Variants in TMEM218 observed in about 807,000 individuals in gnomAD.
The protein encoded by TMEM218 is transmembrane protein 218.
Under a neutral mutation model 10.0 loss-of-function variants are expected in TMEM218, and 8 were observed. The ratio of observed to expected loss-of-function variants is 0.80; its 90% CI spans 0.47 to 1.44. The LOEUF is 1.44. Among genes scored for constraint, TMEM218 ranks in the 40% most tolerant of loss-of-function variants. TMEM218 has a pLI of 0.00. For missense variants in TMEM218, 110 were observed against 140.1 expected, an observed-to-expected ratio of 0.79 and a Z score of 1.08; for synonymous variants, 66 against 63.5, an observed-to-expected ratio of 1.04 and a Z score of -0.18.
chr11:125,109,870 T>C (rs562430589), intron 1 of TMEM218, among the ~76,000 whole-genome samples: 1 of 152,258 alleles, frequency 6.6e-6, no homozygotes, highest in African/African-American at 2.4e-5. Flanking sequence ...CAAATGGTAG[T>C]TGAAGCTGGC....
chr11:125,101,641 A>C, intron 3 of TMEM218: 1 of 657,242 alleles, frequency 1.5e-6, no homozygotes, highest in East Asian at 2.8e-5. Flanking sequence ...TACTTTAGAA[A>C]ATTCTACAAC....
Position 125,096,500 on chromosome 11 carries a change from A to G in TMEM218, c.*1106T>C, listed in dbSNP as rs1000608702. The G allele has an allele frequency of 1.3e-5, 2 of 151,824 alleles. No homozygotes were observed. Among genetic ancestry groups the G allele is most frequent in the Non-Finnish European group, 1.5e-5 (1 of 67,882 alleles). 9.4% of individuals were successfully genotyped at this position (151,824 alleles called of 1,614,324 possible). ...ATCTCTTTAAGCTTCCATTTTTTCTACTTTAAAGTGGGGATGATAAAAATG... is the reference window on the plus strand; with the variant it reads ...ATCTCTTTAAGCTTCCATTTTTTCTGCTTTAAAGTGGGGATGATAAAAATG... On this transcript the variant is annotated 3_prime_UTR_variant, in exon 5 of 5. Transcript: ENST00000682305.
At chr11:125,103,734 A>T (rs796134645) in intron 1 of TMEM218, 66 of 152,370 alleles carry the variant, frequency 4.3e-4, no homozygotes, top group African/African-American at 1.4e-3. Flanking sequence ...AACTCACAGC[A>T]GAGGAACAGC....
intron 4 of TMEM218, among the ~76,000 whole-genome samples, chr11:125,099,921 CAAA>C (rs34211632): frequency 1.0e-4 from 10 of 100,390 alleles, no homozygotes; most frequent in Non-Finnish European, 1.3e-4. Flanking sequence ...GAGACTGTCT[CAAA>C]AAAAAAAAAA....
intron 1 of TMEM218, among the ~76,000 whole-genome samples, chr11:125,109,490 G>T (rs188050601): frequency 1.9e-3 from 286 of 152,238 alleles, no homozygotes; most frequent in African/African-American, 6.5e-3. Context: ...GTGCCAAAAT[G>T]TTAATATTTA....
intron 2 of TMEM218, 57 bp downstream of exon 2, chr11:125,102,677 G>A: frequency 1.5e-6 from 2 of 1,292,158 alleles, no homozygotes; most frequent in Non-Finnish European, 2.0e-6. Flanking sequence ...GGAACTCCAG[G>A]GCCAAAGCAG....
At position 125,095,072 on chromosome 11, in the gene TMEM218, C is replaced by T. The variant is rs1043950731; in HGVS notation, c.*2534G>A. On this transcript the variant is annotated 3_prime_UTR_variant, in exon 5 of 5. Coordinates refer to ENST00000682305, the MANE Select transcript of TMEM218 (RefSeq NM_001258244.2). ...TTTTATCAGTGAAAAATTTAAGGAA[C>T]TTAACAAATTACCCATTGTGATCTC... Among the ~76,000 whole-genome samples, 17 of 152,194 alleles carry T rather than the reference C, an allele frequency of 1.1e-4. No individual in the cohort carries two copies. The highest frequency in any genetic ancestry group is 1.9e-4 in the East Asian group (1 of 5,204).
Position 125,094,864 on chromosome 11 carries a change from G to T in TMEM218, c.*2742C>A, listed in dbSNP as rs528578866. 2.6e-5 allele frequency among the ~76,000 whole-genome samples: 4 copies of T among 152,278 alleles called. No individual in the cohort carries two copies. The South Asian group carries it at 8.3e-4, about 32-fold the overall frequency. On this transcript the variant is annotated 3_prime_UTR_variant, in exon 5 of 5. Transcript: ENST00000682305. ...ACACCTTACAGCCTAGTTCTTCCAT[G>T]GGCTTACTCCACCAGGACTAGTGCT...
chr11:125,107,494 T>C (rs1232611546), intron 1 of TMEM218, among the ~76,000 whole-genome samples: 1 of 152,158 alleles, frequency 6.6e-6, no homozygotes, highest in African/African-American at 2.4e-5. Flanking sequence ...GATAATATTA[T>C]GAAATTACTG....
intron 1 of TMEM218, among the ~76,000 whole-genome samples, chr11:125,109,615 T>C (rs917375839): frequency 2.0e-5 from 3 of 152,248 alleles, no homozygotes; most frequent in African/African-American, 7.2e-5. Context: ...AGGATGCATA[T>C]GAATTGGGTG....
intron 1 of TMEM218, chr11:125,103,932 T>C (rs574976455): frequency 6.6e-6 from 1 of 152,316 alleles, no homozygotes; most frequent in South Asian, 2.1e-4. Flanking sequence ...AATACGTTTA[T>C]TGAATCAACA....
chr11:125,099,917 G>T (rs923279813), intron 4 of TMEM218, among the ~76,000 whole-genome samples: 11 of 84,692 alleles, frequency 1.3e-4, no homozygotes, highest in African/African-American at 5.1e-4. Flanking sequence ...GAGCGAGACT[G>T]TCTCAAAAAA....
At chr11:125,101,606 C>T in intron 3 of TMEM218, 1 of 852,692 alleles carries the variant, frequency 1.2e-6, no homozygotes, top group Non-Finnish European at 1.8e-6. Context: ...TCTCCACCTC[C>T]ACTTCTGTTG....
intron 1 of TMEM218, among the ~76,000 whole-genome samples, chr11:125,105,643 T>C (rs777845095): frequency 6.6e-6 from 1 of 152,280 alleles, no homozygotes; most frequent in African/African-American, 2.4e-5. Context: ...AGTTAAAGCA[T>C]TCTACAGTGA....
intron 4 of TMEM218, among the ~76,000 whole-genome samples, chr11:125,100,386 G>A (rs549862109): frequency 6.6e-6 from 1 of 152,270 alleles, no homozygotes; most frequent in East Asian, 1.9e-4. Context: ...TACTACTTAG[G>A]GCTGTCCTGA....
In TMEM218 at chr11:125,102,206, C is replaced by T. The variant is rs1260423462; in HGVS notation, c.36G>A (p.Val12=). ...AGTVLGVGAG[V]FILALLWVAV... ...CCACCCAGAGCAGGGCTAAGATGAACACGCCCGCACCGACTCCGAGCACAG... is the reference window on the plus strand; with the variant it reads ...CCACCCAGAGCAGGGCTAAGATGAATACGCCCGCACCGACTCCGAGCACAG... The change falls in exon 3 of 5, where the codon GTG becomes GTA. Residue 12 remains valine, a synonymous_variant. Transcript: ENST00000682305. 1.2e-6 allele frequency: 2 copies of T among 1,612,638 alleles called. No individual in the cohort carries two copies. Among genetic ancestry groups the T allele is most frequent in the Middle Eastern group, 1.7e-4 (1 of 5,786 alleles).
rs1317029697 is a variant in TMEM218 at position 125,095,196 on chromosome 11, A to G, written c.*2410T>C. Among the ~76,000 whole-genome samples, 1 of 152,174 alleles carries G rather than the reference A, an allele frequency of 6.6e-6. No individual in the cohort carries two copies. Among genetic ancestry groups the G allele is most frequent in the Non-Finnish European group, 1.5e-5 (1 of 68,026 alleles). On this transcript the variant is annotated 3_prime_UTR_variant, in exon 5 of 5. Transcript: ENST00000682305. ...CCTATTTTCTTATATAGAAACCCAGATTTACTCTCCCTCTCCACCTTCTAA... is the reference window on the plus strand; with the variant it reads ...CCTATTTTCTTATATAGAAACCCAGGTTTACTCTCCCTCTCCACCTTCTAA...
chr11:125,102,801 C>T lies in TMEM218; in HGVS notation c.-144G>A. On this transcript the variant is annotated 5_prime_UTR_variant, in exon 2 of 5. Transcript: ENST00000682305. Reference sequence around the variant, plus strand: ...GAGTTCTTATTCAAGAGGATGAAAACTCCCAGTCCTTAAAGAAGAGGAACA... The same window carrying T: ...GAGTTCTTATTCAAGAGGATGAAAATTCCCAGTCCTTAAAGAAGAGGAACA... The T allele has an allele frequency of 2.1e-6, 2 of 936,268 alleles. No individual in the cohort carries two copies. The highest frequency in any genetic ancestry group is 2.9e-6 in the Non-Finnish European group (2 of 687,872). The allele number at this position is 936,268 out of a possible 1,614,324, so 58.0% of individuals were successfully genotyped here. A position where few individuals can be genotyped will look rare whatever the true frequency, so the allele number is the denominator to read the frequency against.
intron 1 of TMEM218, among the ~76,000 whole-genome samples, chr11:125,109,279 A>G (rs910301135): frequency 6.6e-6 from 1 of 152,234 alleles, no homozygotes; most frequent in Non-Finnish European, 1.5e-5. Context: ...CAATCTAAAC[A>G]GTAATATATA....
Sources: gnomAD v4.1 joint callset for allele counts (sites outside exome capture counted in the v4.1 genomes callset) on GRCh38, gnomAD v4.1.1 for gene constraint, MANE v1.5 for transcripts, NCBI Gene and HGNC (gene_info 2026-07-23, HGNC 2026-07-21) for gene names.